Variants in MTOR observed in about 807,000 individuals in gnomAD.
MTOR encodes the protein mechanistic target of rapamycin kinase.
A neutral mutation model predicts 319.8 loss-of-function variants in MTOR; 70 were observed. That is an observed-to-expected ratio of 0.22 (90% CI 0.18 to 0.27). The LOEUF (loss-of-function observed/expected upper bound fraction) is 0.27. Among genes scored for constraint, MTOR ranks in the 10% least tolerant of loss-of-function variants. The pLI is 1.00. For missense variants in MTOR, 1,890 were observed against 3,274.4 expected (o/e 0.58, Z 10.32); for synonymous variants, 1,183 against 1,211.4 (o/e 0.98, Z 0.49).
At chr1:11,123,723 C>T (rs1044027463) in intron 47 of MTOR, among the ~76,000 whole-genome samples, 1 of 152,024 alleles carries the variant, frequency 6.6e-6, no homozygotes, top group Non-Finnish European at 1.5e-5. Flanking sequence ...CCTGCTGTAG[C>T]CTTCCAAAGT....
intron 19 of MTOR, among the ~76,000 whole-genome samples, chr1:11,222,373 A>AT (rs1249145524): frequency 2.6e-5 from 4 of 151,676 alleles, no homozygotes; most frequent in African/African-American, 7.3e-5. Flanking sequence ...ATTTTTTTGT[A>AT]TTTTTAGTAG....
Position 11,212,845 on chromosome 1 carries a change from G to A in MTOR, c.3349C>T (p.Pro1117Ser), listed in dbSNP as rs1569578359. Residue 1117 changes from proline (P) to serine (S), a missense_variant, in exon 22 of 58, where the codon CCT becomes TCT. By Grantham distance (74) the Pro-to-Ser change is moderately conservative (BLOSUM62 -1). Around this residue, in one of 15 missense-constraint regions of MTOR, gnomAD observed 377 missense variants for 653.9 expected, o/e 0.58. Coordinates refer to ENST00000361445, the MANE Select transcript of MTOR (RefSeq NM_004958.4). The surrounding 1 kb of genome is among the most constrained non-coding windows in gnomAD (Gnocchi z 4.1). ...LDDYLHLLLP[P>S]IVKLFDAPEA... ...GGGGCATCAAACAACTTAACAATAG[G>A]AGGCAGCAGTAAATGCAGGTAGTCA... is the stretch of plus-strand genomic sequence containing the variant. The A allele has an allele frequency of 6.8e-6, 11 of 1,614,144 alleles. No individual in the cohort carries two copies. Among genetic ancestry groups the A allele is most frequent in the Non-Finnish European group, 9.3e-6 (11 of 1,180,008 alleles).
Position 11,109,500 on chromosome 1 carries a change from C to A in MTOR, c.7448-130G>T. 1 of 1,213,690 alleles carries A rather than the reference C, an allele frequency of 8.2e-7. No individual in the cohort carries two copies. Among genetic ancestry groups the A allele is most frequent in the African/African-American group, 1.5e-5 (1 of 66,020 alleles). 75.2% of individuals were successfully genotyped at this position (1,213,690 alleles called of 1,614,324 possible). A position where few individuals can be genotyped will look rare whatever the true frequency, so the allele number is the denominator to read the frequency against. On this transcript the variant is annotated intron_variant, in intron 55 of 57. Coordinates refer to ENST00000361445, the MANE Select transcript of MTOR (RefSeq NM_004958.4). The surrounding 1 kb of genome is among the most constrained non-coding windows in gnomAD (Gnocchi z 4.0). ...ATCCTTCCTCTATGTCCGTCTTTGT[C>A]CTCAGAATATAATGAGAAATTCATG...
Position 11,257,176 on chromosome 1 carries a change from G to A in MTOR, c.272-11C>T. The A allele has an allele frequency of 6.2e-7, 1 of 1,607,096 alleles. No individual in the cohort carries two copies. Among genetic ancestry groups the A allele is most frequent in the Non-Finnish European group, 8.5e-7 (1 of 1,176,020 alleles). On this transcript the variant is annotated splice_polypyrimidine_tract_variant and intron_variant, in intron 3 of 57. Transcript: ENST00000361445. ...CTCCTATGAGGCTAGCTGCAAAAGA[G>A]AGGAAGGCAAAAGGTGATGATGGGG...
Position 11,121,484 on chromosome 1 carries a change from C to A in MTOR, c.6811-116G>T, listed in dbSNP as rs1642522668. 7.3e-7 allele frequency: 1 copy of A among 1,373,002 alleles called. No homozygotes were observed. Among genetic ancestry groups the A allele is most frequent in the Admixed American group, 2.0e-5 (1 of 49,528 alleles). 85.1% of individuals were successfully genotyped at this position (1,373,002 alleles called of 1,614,324 possible). On this transcript the variant is annotated intron_variant, in intron 48 of 57. Coordinates refer to ENST00000361445, the MANE Select transcript of MTOR (RefSeq NM_004958.4). The surrounding 1 kb of genome is among the most constrained non-coding windows in gnomAD (Gnocchi z 4.9). ...CTGAGTTCTAATTTCCCCATCATAG[C>A]CAAAGGAGAAGGGAAATAAGAACAT...
At chr1:11,132,711 G>GGTCGC in intron 38 of MTOR, 1 of 173,522 alleles carries the variant, frequency 5.8e-6, no homozygotes, top group South Asian at 1.8e-4. Context: ...AGGCAAGGAT[G>GGTCGC]CAAATCAGAA....
chr1:11,113,829 C>T (rs1003313627), intron 53 of MTOR, among the ~76,000 whole-genome samples: 10 of 152,060 alleles, frequency 6.6e-5, no homozygotes, highest in Non-Finnish European at 1.3e-4. Flanking sequence ...AACTGCAATT[C>T]GAATTGTAAT....
rs1299867818 is a variant in MTOR, at chr1:11,114,421, T to G, written c.7197A>C (p.Thr2399=). Residue 2399 remains threonine, a synonymous_variant, in exon 53 of 58, where the codon ACA becomes ACC. Coordinates refer to ENST00000361445, the MANE Select transcript of MTOR (RefSeq NM_004958.4). ...GCAGCACCTCCATCACTGTGTGGCA[T>G]GTGATTCTGTAGTTGCCATCCAGGC... ...VTGLDGNYRI[T]CHTVMEVLRE... is the part of the protein sequence containing the mutation. The G allele has an allele frequency of 3.7e-6, 6 of 1,614,174 alleles. No individual in the cohort carries two copies. In the East Asian group the frequency reaches 8.9e-5, roughly 24 times the overall value.
At chr1:11,189,355 G>A (rs776214254) in intron 28 of MTOR, 26 of 525,678 alleles carry the variant, frequency 4.9e-5, no homozygotes, top group Non-Finnish European at 6.3e-5. Context: ...TGGAGCATTC[G>A]GGCTTGGAAG....
At chr1:11,234,630 G>C (rs1469390142) in intron 13 of MTOR, among the ~76,000 whole-genome samples, 1 of 152,208 alleles carries the variant, frequency 6.6e-6, no homozygotes, top group African/African-American at 2.4e-5. Flanking sequence ...AAAGAAGGTA[G>C]GGCCCCTTGG....
rs2100407514 is a variant in MTOR, at chr1:11,127,681, G to T, written c.6159C>A (p.Pro2053=). 6.2e-7 allele frequency: 1 copy of T among 1,614,036 alleles called. No homozygotes were observed. The highest frequency in any genetic ancestry group is 8.5e-7 in the Non-Finnish European group (1 of 1,180,018). ...NVKGMFEVLE[P]LHAMMERGPQ... is the part of the protein sequence containing the mutation. Reference sequence around the variant, plus strand: ...GGCCCCGTTCCATCATAGCATGCAAGGGCTCCAGCACCTCAAACATGCCTT... The same window carrying T: ...GGCCCCGTTCCATCATAGCATGCAATGGCTCCAGCACCTCAAACATGCCTT... The change falls in exon 44 of 58, where the codon CCC becomes CCA. Residue 2053 remains proline (P), a synonymous_variant. Transcript: ENST00000361445. The surrounding 1 kb of genome is among the most constrained non-coding windows in gnomAD (Gnocchi z 5.5).
At chr1:11,225,008 T>A in intron 19 of MTOR, among the ~76,000 whole-genome samples, 1 of 152,072 alleles carries the variant, frequency 6.6e-6, no homozygotes, top group East Asian at 1.9e-4. Context: ...AGTAAATCTA[T>A]AGAGAGAGAA....
chr1:11,141,841 T>TA (rs901174663), intron 34 of MTOR, among the ~76,000 whole-genome samples: 17 of 146,076 alleles, frequency 1.2e-4, no homozygotes, highest in Middle Eastern at 3.5e-3. Context: ...AAAAAAATAA[T>TA]AAAAAAAAAA....
intron 28 of MTOR, among the ~76,000 whole-genome samples, chr1:11,168,716 A>C (rs1197517525): frequency 6.6e-6 from 1 of 152,202 alleles, no homozygotes; most frequent in East Asian, 1.9e-4. Flanking sequence ...CCACACTGGG[A>C]CAACTGGGCA....
chr1:11,257,380 C>CAAA (rs1006118528), intron 3 of MTOR, among the ~76,000 whole-genome samples: 1 of 36,778 alleles, frequency 2.7e-5, no homozygotes, highest in African/African-American at 8.8e-5. Context: ...TACTAAGATA[C>CAAA]AAAAAAAAAA....
rs189105789 is a variant in MTOR, at chr1:11,257,306, C to T, written c.272-141G>A. 1,924 of 593,916 alleles carry T rather than the reference C, an allele frequency of 3.2e-3. 38 individuals are homozygous for T. In the African/African-American group the frequency reaches 0.033, roughly 10 times the overall value. 36.8% of individuals were successfully genotyped at this position (593,916 alleles called of 1,614,324 possible). A position where few individuals can be genotyped will look rare whatever the true frequency, so the allele number is the denominator to read the frequency against. On this transcript the variant is annotated intron_variant, in intron 3 of 57. Coordinates refer to ENST00000361445, the MANE Select transcript of MTOR (RefSeq NM_004958.4). ...ATCCTAGCACTTTGGGAGGCTGAGG[C>T]GGGCGGATTGCCTGAGCTCAGGAGT...
intron 31 of MTOR, chr1:11,149,400 G>C (rs1359239923): frequency 6.6e-6 from 1 of 152,206 alleles, no homozygotes; most frequent in East Asian, 1.9e-4. Flanking sequence ...TGAGCTTCCA[G>C]GTTGATGAAG....
At chr1:11,152,448 T>A (rs1644179897) in intron 30 of MTOR, 1 of 150,540 alleles carries the variant, frequency 6.6e-6, no homozygotes, top group African/African-American at 2.5e-5. Flanking sequence ...TAGGAAGTAT[T>A]CTTTCATTTG....
intron 28 of MTOR, chr1:11,195,184 T>G: frequency 1.3e-6 from 1 of 786,408 alleles, no homozygotes; most frequent in Non-Finnish European, 2.0e-6. Flanking sequence ...AAAAATCATA[T>G]GTACCAAGGA....
Sources: allele counts gnomAD v4.1 joint callset (sites outside exome capture counted in the v4.1 genomes callset), GRCh38; gene constraint gnomAD v4.1.1; regional missense constraint gnomAD v4.1.1; non-coding constraint Gnocchi (gnomAD v3.1); transcripts MANE v1.5; gene names NCBI Gene and HGNC (gene_info 2026-07-23, HGNC 2026-07-21).